The following EFCAB11 variants were observed in gnomAD, a reference collection of about 807,000 sequenced individuals.
EFCAB11 encodes the protein EF-hand calcium binding domain 11, also known as EF-hand calcium-binding domain-containing protein 11.
A neutral mutation model predicts 23.0 loss-of-function variants in EFCAB11; 14 were observed. The ratio of observed to expected loss-of-function variants is 0.61; its 90% CI spans 0.40 to 0.95. The LOEUF (loss-of-function observed/expected upper bound fraction) is 0.95, where lower values mean the gene tolerates loss of function less well. Ranked by LOEUF, EFCAB11 falls within the 40% of genes least tolerant of loss-of-function variation. The pLI is 0.00. For synonymous variants in EFCAB11, 65 were observed against 66.6 expected, an observed-to-expected ratio of 0.98 and a Z score of 0.11; for missense variants, 198 against 195.8, an observed-to-expected ratio of 1.01 and a Z score of -0.07.
At chr14:89,885,839 A>C (rs1350526044) in intron 5 of EFCAB11, among the ~76,000 whole-genome samples, 1 of 151,458 alleles carries the variant, frequency 6.6e-6, no homozygotes, top group African/African-American at 2.4e-5. Context: ...AGAAAGAAAG[A>C]AGACAGCAAC....
chr14:89,871,708 A>T (rs1441722243), intron 5 of EFCAB11, among the ~76,000 whole-genome samples: 1 of 152,100 alleles, frequency 6.6e-6, no homozygotes, highest in Non-Finnish European at 1.5e-5. Flanking sequence ...CTTTAAGTCC[A>T]TCATATTCCC....
At chr14:89,820,750 G>T (rs1042363254) in intron 5 of EFCAB11, among the ~76,000 whole-genome samples, 15 of 151,864 alleles carry the variant, frequency 9.9e-5, no homozygotes, top group East Asian at 5.8e-4. Context: ...AGTTTTAGGG[G>T]TATAAAAATG....
intron 5 of EFCAB11, among the ~76,000 whole-genome samples, chr14:89,812,155 G>T (rs1477392081): frequency 6.6e-6 from 1 of 152,094 alleles, no homozygotes; most frequent in Non-Finnish European, 1.5e-5. Context: ...GGGAAAAAGT[G>T]ATATTAAAAA....
At position 89,936,015 on chromosome 14, in the gene EFCAB11, G is replaced by GA. The variant is rs796772201; in HGVS notation, c.218-3389dup. ...AGAGTAAGACTCTGTCTCAAAAAAA[G>GA]AAAAAAAAAAACCCATGTTTTAAAT... is the stretch of plus-strand genomic sequence containing the variant. On this transcript the variant is annotated intron_variant, in intron 3 of 5. Coordinates refer to ENST00000316738, the MANE Select transcript of EFCAB11 (RefSeq NM_145231.4). Among the ~76,000 whole-genome samples, 918 of 140,650 alleles carry GA rather than the reference G, an allele frequency of 6.5e-3. 12 individuals are homozygous for GA. Among genetic ancestry groups the GA allele is most frequent in the African/African-American group, 0.021 (802 of 39,052 alleles). The allele number at this position is 140,650 out of a possible 152,430, so 92.3% of individuals were successfully genotyped here.
At chr14:89,924,451 C>T (rs1340762974) in intron 5 of EFCAB11, 25 of 1,361,122 alleles carry the variant, frequency 1.8e-5, no homozygotes, top group Non-Finnish European at 2.3e-5. Flanking sequence ...GAAGCAAAAG[C>T]AGCTTCCCAG....
At chr14:89,890,276 G>A (rs1445710631) in intron 5 of EFCAB11, among the ~76,000 whole-genome samples, 2 of 152,030 alleles carry the variant, frequency 1.3e-5, no homozygotes, top group Admixed American at 6.5e-5. Context: ...TAGGTTATAC[G>A]AAAATAAATA....
chr14:89,945,135 G>A (rs1370744563), intron 3 of EFCAB11, among the ~76,000 whole-genome samples: 1 of 151,726 alleles, frequency 6.6e-6, no homozygotes, highest in Non-Finnish European at 1.5e-5. Context: ...AGTGTGGGTA[G>A]TAGTTTCTCA....
rs1426457451 is a variant in EFCAB11, at chr14:89,797,256, T to C, written c.479A>G (p.Gln160Arg). 1 of 1,613,500 alleles carries C rather than the reference T, an allele frequency of 6.2e-7. No individual in the cohort carries two copies. The highest frequency in any genetic ancestry group is 1.1e-5 in the South Asian group (1 of 91,068). Reference sequence around the variant, plus strand: ...AGTTCACAATAGTTAGGCTTCCTTCTGTCCATAGTTCAGGGCATATTCAAA... The same window carrying C: ...AGTTCACAATAGTTAGGCTTCCTTCCGTCCATAGTTCAGGGCATATTCAAA... ...RDFEYALNYGQKEA is the reference protein window; with the variant it reads ...RDFEYALNYGRKEA The change falls in exon 6 of 6, where the codon CAG (glutamine) becomes CGG (arginine). Residue 160 changes from glutamine (Q) to arginine (R), a missense_variant. Coordinates refer to ENST00000316738, the MANE Select transcript of EFCAB11 (RefSeq NM_145231.4).
intron 5 of EFCAB11, among the ~76,000 whole-genome samples, chr14:89,890,683 G>T (rs1167355037): frequency 6.6e-6 from 1 of 152,184 alleles, no homozygotes; most frequent in Non-Finnish European, 1.5e-5. Context: ...ATTAAAAAGA[G>T]CTGCCAGGCC....
At chr14:89,867,298 A>G (rs1014321697) in intron 5 of EFCAB11, among the ~76,000 whole-genome samples, 4 of 152,198 alleles carry the variant, frequency 2.6e-5, no homozygotes, top group African/African-American at 9.7e-5. Context: ...TATCTGGCGT[A>G]TTGGCAACTC....
At chr14:89,819,737 C>G (rs1886448828) in intron 5 of EFCAB11, among the ~76,000 whole-genome samples, 1 of 151,974 alleles carries the variant, frequency 6.6e-6, no homozygotes, top group South Asian at 2.1e-4. Flanking sequence ...GTGCCCAGCC[C>G]CAAAGAAACT....
chr14:89,805,799 C>A (rs1298830062), intron 5 of EFCAB11, among the ~76,000 whole-genome samples: 2 of 152,116 alleles, frequency 1.3e-5, no homozygotes, highest in African/African-American at 4.8e-5. Context: ...AGCATCCTGA[C>A]ATACAAAGGA....
intron 5 of EFCAB11, among the ~76,000 whole-genome samples, chr14:89,891,686 AACACAC>A (rs148132532): frequency 1.3e-5 from 2 of 150,414 alleles, no homozygotes; most frequent in African/African-American, 4.9e-5. Context: ...TTTAGACACA[AACACAC>A]ACACACACAC....
At chr14:89,856,371 G>A (rs1210655099) in intron 5 of EFCAB11, among the ~76,000 whole-genome samples, 1 of 151,900 alleles carries the variant, frequency 6.6e-6, no homozygotes, top group African/African-American at 2.4e-5. Context: ...GTATTTTTTT[G>A]TAGAGACAGA....
At chr14:89,913,685 A>T (rs1889750525) in intron 5 of EFCAB11, among the ~76,000 whole-genome samples, 1 of 152,244 alleles carries the variant, frequency 6.6e-6, no homozygotes, top group African/African-American at 2.4e-5. Flanking sequence ...TTATGACTTT[A>T]CCAACCACGC....
intron 5 of EFCAB11, among the ~76,000 whole-genome samples, chr14:89,820,878 T>C (rs535765346): frequency 1.5e-4 from 23 of 151,694 alleles, no homozygotes; most frequent in Admixed American, 3.9e-4. Flanking sequence ...GATTTTTAGA[T>C]ATTATATATA....
intron 5 of EFCAB11, among the ~76,000 whole-genome samples, chr14:89,927,125 T>C (rs1890218388): frequency 6.6e-6 from 1 of 152,224 alleles, no homozygotes; most frequent in Admixed American, 6.5e-5. Flanking sequence ...CAGTGTTCTA[T>C]TAAATTATAA....
chr14:89,803,892 A>C (rs1885873502), intron 5 of EFCAB11, among the ~76,000 whole-genome samples: 1 of 152,160 alleles, frequency 6.6e-6, no homozygotes, highest in African/African-American at 2.4e-5. Flanking sequence ...TAATGTGTTT[A>C]TTAATTTTAC....
chr14:89,858,990 G>A (rs1303868231), intron 5 of EFCAB11, among the ~76,000 whole-genome samples: 1 of 152,108 alleles, frequency 6.6e-6, no homozygotes, highest in Non-Finnish European at 1.5e-5. Context: ...AGAATTATAT[G>A]ACTCAAAAGA....
Sources: allele counts gnomAD v4.1 joint callset (sites outside exome capture counted in the v4.1 genomes callset), GRCh38; gene constraint gnomAD v4.1.1; transcripts MANE v1.5; gene names NCBI Gene and HGNC (gene_info 2026-07-23, HGNC 2026-07-21).